Variants in GABRG3 observed in about 807,000 individuals in gnomAD.
GABRG3 encodes the protein gamma-aminobutyric acid type A receptor subunit gamma3.
A neutral mutation model predicts 48.8 loss-of-function variants in GABRG3; 25 were observed. The observed-to-expected ratio is 0.51, with a 90% CI of 0.37 to 0.72. GABRG3 has a LOEUF of 0.72. Ranked by LOEUF, GABRG3 falls within the 30% of genes least tolerant of loss-of-function variation. GABRG3 has a pLI of 0.00. For missense variants in GABRG3, 394 were observed against 577.9 expected (o/e 0.68, Z 3.26); for synonymous variants, 227 against 217.6 (o/e 1.04, Z -0.38).
chr15:27,481,056 A>C, intron 6 of GABRG3: 1 of 1,239,690 alleles, frequency 8.1e-7, no homozygotes, highest in Non-Finnish European at 1.0e-6. Flanking sequence ...CTCATTACTG[A>C]CCATATTTAC....
At chr15:27,479,495 G>A (rs562162665) in intron 5 of GABRG3, among the ~76,000 whole-genome samples, 79 of 152,336 alleles carry the variant, frequency 5.2e-4, no homozygotes, top group African/African-American at 1.9e-3. Context: ...AGCCAGCAAT[G>A]TCAGGCAGAG....
At chr15:27,393,149 T>A (rs1273702653) in intron 5 of GABRG3, among the ~76,000 whole-genome samples, 1 of 151,874 alleles carries the variant, frequency 6.6e-6, no homozygotes, top group Admixed American at 6.6e-5. Context: ...ATTGAGACCA[T>A]CCTGGCAACA....
intron 3 of GABRG3, among the ~76,000 whole-genome samples, chr15:27,231,043 G>GTA (rs928041694): frequency 2.0e-5 from 3 of 151,538 alleles, no homozygotes; most frequent in African/African-American, 7.3e-5. Flanking sequence ...GTGTGTGTGT[G>GTA]TGTGTGATTT....
intron 5 of GABRG3, among the ~76,000 whole-genome samples, chr15:27,376,289 T>G (rs1264023887): frequency 6.6e-6 from 1 of 152,208 alleles, no homozygotes; most frequent in South Asian, 2.1e-4. Context: ...CAGGCTGGCA[T>G]TGAGTGTCTG....
At chr15:27,294,223 CT>C (rs1162063750) in intron 3 of GABRG3, among the ~76,000 whole-genome samples, 349 of 129,284 alleles carry the variant, frequency 2.7e-3, no homozygotes, top group East Asian at 5.7e-3. Context: ...TTTCTTTTTC[CT>C]TTTTTTTTTT....
chr15:27,306,342 T>C (rs1251312738), intron 3 of GABRG3, among the ~76,000 whole-genome samples: 2 of 122,346 alleles, frequency 1.6e-5, no homozygotes, highest in Non-Finnish European at 3.5e-5. Flanking sequence ...ACATAAAATA[T>C]AAACATGTCT....
chr15:27,426,242 C>T (rs1469267869), intron 5 of GABRG3, among the ~76,000 whole-genome samples: 1 of 152,174 alleles, frequency 6.6e-6, no homozygotes, highest in African/African-American at 2.4e-5. Flanking sequence ...CAAAACTCAT[C>T]TCCTTTGACT....
chr15:27,298,145 A>G (rs71465226), intron 3 of GABRG3, among the ~76,000 whole-genome samples: 1 of 152,206 alleles, frequency 6.6e-6, no homozygotes, highest in African/African-American at 2.4e-5. Context: ...AATGAATTAA[A>G]CAATCCAGTC....
chr15:27,020,178 C>A (rs991805109), intron 2 of GABRG3, among the ~76,000 whole-genome samples: 18 of 152,250 alleles, frequency 1.2e-4, no homozygotes, highest in Non-Finnish European at 2.5e-4. Flanking sequence ...GCAGCTGAGC[C>A]CCCCTGCAGT....
intron 5 of GABRG3, among the ~76,000 whole-genome samples, chr15:27,411,186 T>C (rs1887787119): frequency 1.3e-5 from 2 of 152,154 alleles, no homozygotes; most frequent in Admixed American, 1.3e-4. Flanking sequence ...ATCCAGGATG[T>C]TAAACGACTG....
intron 3 of GABRG3, among the ~76,000 whole-genome samples, chr15:27,278,405 C>T (rs565936464): frequency 7.2e-5 from 11 of 152,190 alleles, no homozygotes; most frequent in African/African-American, 2.6e-4. Context: ...AGAGGAGACA[C>T]AGAACTGTCT....
Position 27,249,054 on chromosome 15 carries a change from C to T in GABRG3, c.271-77755C>T, listed in dbSNP as rs116749468. 6.2e-3 allele frequency among the ~76,000 whole-genome samples: 938 copies of T among 152,140 alleles called. 8 individuals are homozygous for T. The highest frequency in any genetic ancestry group is 0.022 in the African/African-American group (905 of 41,492). On this transcript the variant is annotated intron_variant, in intron 3 of 9. Coordinates refer to ENST00000615808, the MANE Select transcript of GABRG3 (RefSeq NM_033223.5). ...AGGACACAGAGTTTAGTCAAATGGTCGGAATAACTAGCGACAATGCATACA... is the reference window on the plus strand; with the variant it reads ...AGGACACAGAGTTTAGTCAAATGGTTGGAATAACTAGCGACAATGCATACA...
chr15:27,213,351 C>T (rs1889133327), intron 3 of GABRG3, among the ~76,000 whole-genome samples: 1 of 152,168 alleles, frequency 6.6e-6, no homozygotes, highest in Non-Finnish European at 1.5e-5. Context: ...TTGAGAAGCT[C>T]CTCATTCTGT....
At chr15:27,475,261 T>G (rs1889903144) in intron 5 of GABRG3, among the ~76,000 whole-genome samples, 1 of 152,184 alleles carries the variant, frequency 6.6e-6, no homozygotes, top group Non-Finnish European at 1.5e-5. Flanking sequence ...TTATACTCTG[T>G]CTCTTCCTTA....
intron 2 of GABRG3, among the ~76,000 whole-genome samples, chr15:27,024,887 G>A (rs920844932): frequency 2.0e-5 from 3 of 151,978 alleles, no homozygotes; most frequent in African/African-American, 4.8e-5. Flanking sequence ...TTAGCTGGGC[G>A]TGGTGGCAGG....
intron 3 of GABRG3, among the ~76,000 whole-genome samples, chr15:27,297,069 C>G (rs112276819): frequency 2.2e-4 from 33 of 151,308 alleles, no homozygotes; most frequent in Non-Finnish European, 4.1e-4. Context: ...TTTTAACAAA[C>G]AAGTTTAAAA....
chr15:26,994,135 T>A (rs1425899385), intron 2 of GABRG3, among the ~76,000 whole-genome samples: 1 of 152,006 alleles, frequency 6.6e-6, no homozygotes, highest in Non-Finnish European at 1.5e-5. Context: ...ATCAGATCAT[T>A]GGGTCTTTTT....
chr15:27,404,891 A>G (rs577550093), intron 5 of GABRG3, among the ~76,000 whole-genome samples: 6 of 152,342 alleles, frequency 3.9e-5, no homozygotes, highest in South Asian at 4.1e-4. Flanking sequence ...TGTAAATGGC[A>G]TGGCTCTTTC....
intron 6 of GABRG3, among the ~76,000 whole-genome samples, chr15:27,501,870 T>G (rs867102283): frequency 6.6e-6 from 1 of 151,562 alleles, no homozygotes; most frequent in East Asian, 2.0e-4. Flanking sequence ...AGGAGAAGAG[T>G]GTGGGATGTG....
Sources: gnomAD v4.1 joint callset for allele counts (sites outside exome capture counted in the v4.1 genomes callset) on GRCh38, gnomAD v4.1.1 for gene constraint, MANE v1.5 for transcripts, NCBI Gene and HGNC (gene_info 2026-07-23, HGNC 2026-07-21) for gene names.